PTPRN2: variants seen among roughly 807,000 people sequenced by gnomAD.
PTPRN2 encodes receptor-type tyrosine-protein phosphatase N2.
PTPRN2 carries 74 observed loss-of-function variants against 118.8 expected under a neutral mutation model. That is an observed-to-expected ratio of 0.62 (90% CI 0.52 to 0.76). The LOEUF (loss-of-function observed/expected upper bound fraction) is 0.76, where lower values mean the gene tolerates loss of function less well. Ranked by LOEUF, PTPRN2 falls within the 30% of genes least tolerant of loss-of-function variation. PTPRN2 has a pLI of 0.00. For synonymous variants in PTPRN2, 641 were observed against 608.0 expected, an observed-to-expected ratio of 1.05 and a Z score of -0.80; for missense variants, 1,481 against 1,394.4, an observed-to-expected ratio of 1.06 and a Z score of -0.99.
chr7:158,343,312 C>T (rs1217841728), intron 2 of PTPRN2, among the ~76,000 whole-genome samples: 1 of 152,194 alleles, frequency 6.6e-6, no homozygotes, highest in African/African-American at 2.4e-5. Flanking sequence ...CCAGCATCAC[C>T]AGCGTCAAGG....
At chr7:158,121,286 C>T (rs527828364) in intron 9 of PTPRN2, among the ~76,000 whole-genome samples, 1 of 152,308 alleles carries the variant, frequency 6.6e-6, no homozygotes, top group African/African-American at 2.4e-5. Context: ...GACCACACCA[C>T]TCCAATCAGC....
At chr7:157,767,617 C>G (rs1802563092) in intron 12 of PTPRN2, among the ~76,000 whole-genome samples, 1 of 152,248 alleles carries the variant, frequency 6.6e-6, no homozygotes, top group African/African-American at 2.4e-5. Flanking sequence ...GGCGACCGCT[C>G]TTTCACTGCC....
At chr7:158,058,366 A>C (rs34848773) in intron 11 of PTPRN2, among the ~76,000 whole-genome samples, 1 of 92,010 alleles carries the variant, frequency 1.1e-5, no homozygotes, top group Non-Finnish European at 2.1e-5. Flanking sequence ...CCACGGTGAC[A>C]CATCACTGCA....
chr7:157,871,346 C>G (rs1489663536), intron 12 of PTPRN2, among the ~76,000 whole-genome samples: 3 of 152,204 alleles, frequency 2.0e-5, no homozygotes, highest in African/African-American at 7.2e-5. Flanking sequence ...GATTCTGATG[C>G]AGGCTGACAT....
At position 157,685,463 on chromosome 7, in the gene PTPRN2, G is replaced by C. The variant is rs531465621; in HGVS notation, c.1789-2526C>G. Reference sequence around the variant, plus strand: ...TGTGCGCGCGGGTGTGTGGGGTTCCGAGGCGCAGGGCGACCGCCGGCTCCG... The same window carrying C: ...TGTGCGCGCGGGTGTGTGGGGTTCCCAGGCGCAGGGCGACCGCCGGCTCCG... On this transcript the variant is annotated intron_variant, in intron 12 of 22. Transcript: ENST00000389418. Among the ~76,000 whole-genome samples, 523 of 152,206 alleles carry C rather than the reference G, an allele frequency of 3.4e-3. 5 individuals carry two copies. The highest frequency in any genetic ancestry group is 0.012 in the African/African-American group (500 of 41,556).
chr7:158,129,351 ACAC>A (rs1416237743), intron 9 of PTPRN2, among the ~76,000 whole-genome samples: 3 of 151,154 alleles, frequency 2.0e-5, no homozygotes, highest in African/African-American at 7.3e-5. Flanking sequence ...CACATAACAC[ACAC>A]CACACAGCAC....
At chr7:157,599,677 C>T (rs531377630) in intron 16 of PTPRN2, among the ~76,000 whole-genome samples, 20 of 152,324 alleles carry the variant, frequency 1.3e-4, no homozygotes, top group South Asian at 2.1e-4. Flanking sequence ...GTGAAGGGAA[C>T]GCCAGTTTCT....
chr7:158,262,436 TCACA>T (rs1008017105), intron 3 of PTPRN2, among the ~76,000 whole-genome samples: 1 of 126,172 alleles, frequency 7.9e-6, no homozygotes, highest in African/African-American at 3.1e-5. Flanking sequence ...ATACACACAT[TCACA>T]CACACTGCAC....
chr7:158,257,427 C>T (rs79334920), intron 3 of PTPRN2, among the ~76,000 whole-genome samples: 1,593 of 152,280 alleles, frequency 0.01, 32 homozygotes, highest in African/African-American at 0.036. Flanking sequence ...ACCTGCTGTA[C>T]GTGCGCTAAA....
chr7:157,798,316 G>T (rs1270326163), intron 12 of PTPRN2, among the ~76,000 whole-genome samples: 2 of 152,184 alleles, frequency 1.3e-5, no homozygotes, highest in African/African-American at 2.4e-5. Context: ...TTTGGAATGT[G>T]AAATTGCCTC....
intron 11 of PTPRN2, among the ~76,000 whole-genome samples, chr7:157,923,353 C>A (rs1798793660): frequency 2.0e-5 from 3 of 152,164 alleles, no homozygotes; most frequent in African/African-American, 7.2e-5. Context: ...AAGAAGGCAG[C>A]CAGCCCCCTG....
At position 158,002,282 on chromosome 7, in the gene PTPRN2, C is replaced by T. The variant is rs566929103; in HGVS notation, c.1723+79016G>A. On this transcript the variant is annotated intron_variant, in intron 11 of 22. Coordinates refer to ENST00000389418, the MANE Select transcript of PTPRN2 (RefSeq NM_002847.5). ...TGCTCTGGATGGTCACTCACTCACC[C>T]CTTTATTAAGAGTTGGTTCTACGGA... Among the ~76,000 whole-genome samples, 422 of 152,332 alleles carry T rather than the reference C, an allele frequency of 2.8e-3. 3 individuals carry two copies. The highest frequency in any genetic ancestry group is 9.8e-3 in the African/African-American group (407 of 41,570).
intron 22 of PTPRN2, 91 bp from the exon 23 acceptor site, chr7:157,540,876 T>TC (rs1797981173): frequency 9.6e-7 from 1 of 1,039,198 alleles, no homozygotes. Flanking sequence ...GAAAGCGGCG[T>TC]CCCCCCTTCC....
At chr7:158,422,096 G>A (rs1001404598) in intron 2 of PTPRN2, among the ~76,000 whole-genome samples, 1 of 152,178 alleles carries the variant, frequency 6.6e-6, no homozygotes. Flanking sequence ...AATATCTACT[G>A]AAAAGTATCA....
chr7:157,595,655 GGAAGTTAGGGAGCCCA>G (rs1417390521), intron 16 of PTPRN2, among the ~76,000 whole-genome samples: 3 of 146,314 alleles, frequency 2.1e-5, no homozygotes, highest in Admixed American at 7.2e-5. Flanking sequence ...TAGGAAGCCC[GGAAGTTAGGGAGCCCA>G]GAGGTTAGGG....
At chr7:157,743,923 G>A (rs373909974) in intron 12 of PTPRN2, among the ~76,000 whole-genome samples, 7 of 152,328 alleles carry the variant, frequency 4.6e-5, no homozygotes, top group East Asian at 1.9e-4. Context: ...CACGGAAGTC[G>A]CAGCTCCCTG....
intron 2 of PTPRN2, among the ~76,000 whole-genome samples, chr7:158,432,603 T>C (rs1689744221): frequency 6.6e-6 from 1 of 152,230 alleles, no homozygotes; most frequent in Non-Finnish European, 1.5e-5. Context: ...TAAAGTATTA[T>C]GCAAACAAAC....
chr7:157,561,161 C>T lies in PTPRN2; in HGVS notation c.2902+7741G>A, dbSNP rs551469925. Among the ~76,000 whole-genome samples the T allele has an allele frequency of 7.2e-5, 11 of 152,062 alleles. No homozygotes were observed. The East Asian group carries it at 1.2e-3, about 16-fold the overall frequency. On this transcript the variant is annotated intron_variant, in intron 21 of 22. Coordinates refer to ENST00000389418, the MANE Select transcript of PTPRN2 (RefSeq NM_002847.5). ...CTCGGCCCCCGGGTCCTGTACTGCC[C>T]GGCCAGTCTCCCCGCCCTCTGGTTC... is the stretch of plus-strand genomic sequence containing the variant.
At chr7:158,337,149 A>G (rs1805759390) in intron 2 of PTPRN2, among the ~76,000 whole-genome samples, 1 of 152,028 alleles carries the variant, frequency 6.6e-6, no homozygotes, top group African/African-American at 2.4e-5. Context: ...CCATACTCTC[A>G]CCATAAGAGG....
Sources: allele counts gnomAD v4.1 joint callset (sites outside exome capture counted in the v4.1 genomes callset), GRCh38; gene constraint gnomAD v4.1.1; transcripts MANE v1.5; gene names NCBI Gene and HGNC (gene_info 2026-07-23, HGNC 2026-07-21).